Variants in KIRREL3 observed in about 807,000 individuals in gnomAD.
KIRREL3 encodes kin of IRRE-like protein 3.
Under a neutral mutation model 89.7 loss-of-function variants are expected in KIRREL3, and 36 were observed. The observed-to-expected ratio is 0.40, with a 90% CI of 0.31 to 0.53. The LOEUF is 0.53. Ranked by LOEUF, KIRREL3 falls within the 20% of genes least tolerant of loss-of-function variation. KIRREL3 has a pLI of 0.49. For missense variants in KIRREL3, 864 were observed against 1,056.6 expected (o/e 0.82, Z 2.53); for synonymous variants, 445 against 441.4 (o/e 1.01, Z -0.10).
intron 15 of KIRREL3, 61 bp from the exon 16 acceptor site, chr11:126,425,785 G>C: frequency 7.5e-7 from 1 of 1,330,900 alleles, no homozygotes; most frequent in Non-Finnish European, 1.1e-6. Context: ...CTTCCCCCAA[G>C]GAAAAGATGA....
At chr11:126,853,458 A>G (rs1178761724) in intron 1 of KIRREL3, among the ~76,000 whole-genome samples, 2 of 152,152 alleles carry the variant, frequency 1.3e-5, no homozygotes, top group Admixed American at 1.3e-4. Context: ...TGCATTTTTA[A>G]ATGGGTAAAA....
At position 126,570,745 on chromosome 11, in the gene KIRREL3, T is replaced by C. The variant is rs188075744; in HGVS notation, c.56-7833A>G. Among the ~76,000 whole-genome samples, 4 of 152,314 alleles carry C rather than the reference T, an allele frequency of 2.6e-5. No homozygotes were observed. The East Asian group carries it at 7.7e-4, about 29-fold the overall frequency. ...TTATCAGCAACTCCTCACCACCAGC[T>C]GTGGGGTCTAGAATTATCTGTGCTG... On this transcript the variant is annotated intron_variant, in intron 1 of 16. Transcript: ENST00000525144. This position sits in a 1 kb window ranked among gnomAD's most constrained non-coding sequence, Gnocchi z 6.1.
rs1157908568 is a variant in KIRREL3, at chr11:126,761,296, A to C, written c.56-198384T>G. Among the ~76,000 whole-genome samples the C allele has an allele frequency of 6.6e-6, 1 of 152,194 alleles. No individual in the cohort carries two copies. Among genetic ancestry groups the C allele is most frequent in the Non-Finnish European group, 1.5e-5 (1 of 68,028 alleles). ...CTCTGCCCAGGCAAAGGTATTCACA[A>C]ACCTCCCTGGGGGCTCACCAGAGGG... On this transcript the variant is annotated intron_variant, in intron 1 of 16. Transcript: ENST00000525144. This position sits in a 1 kb window ranked among gnomAD's most constrained non-coding sequence, Gnocchi z 4.4.
Position 126,922,101 on chromosome 11 carries a change from A to G in KIRREL3, c.55+78354T>C, listed in dbSNP as rs572314492. 3.5e-5 allele frequency among the ~76,000 whole-genome samples: 5 copies of G among 144,480 alleles called. No individual in the cohort carries two copies. The South Asian group carries it at 1.2e-3, about 33-fold the overall frequency. The allele number at this position is 144,480 out of a possible 152,430, so 94.8% of individuals were successfully genotyped here. A position where few individuals can be genotyped will look rare whatever the true frequency, so the allele number is the denominator to read the frequency against. Reference sequence around the variant, plus strand: ...TCCTATCATCTATCTATATCTATCTATCGATCTATCTATCTGTCTGTCTAT... The same window carrying G: ...TCCTATCATCTATCTATATCTATCTGTCGATCTATCTATCTGTCTGTCTAT... On this transcript the variant is annotated intron_variant, in intron 1 of 16. Transcript: ENST00000525144.
Position 126,969,746 on chromosome 11 carries a change from C to A in KIRREL3, c.55+30709G>T, listed in dbSNP as rs1387257482. Among the ~76,000 whole-genome samples the A allele has an allele frequency of 2.0e-5, 3 of 152,172 alleles. No homozygotes were observed. The highest frequency in any genetic ancestry group is 7.2e-5 in the African/African-American group (3 of 41,432). On this transcript the variant is annotated intron_variant, in intron 1 of 16. Transcript: ENST00000525144. The surrounding 1 kb of genome is among the most constrained non-coding windows in gnomAD (Gnocchi z 4.9). The stretch of plus-strand genomic sequence containing the variant: ...TAATTTTGCAGTGGGACCTGGCTCA[C>A]TTTTGTAGATCCCTTCAAAGCTGGA...
rs1014985427 is a variant in KIRREL3 at position 126,908,186 on chromosome 11, G to A, written c.55+92269C>T. ...TTTTGTTTACTGCCGTATTTTCAGT[G>A]CCTAGGCACATAATAGACCCTTGAT... On this transcript the variant is annotated intron_variant, in intron 1 of 16. Coordinates refer to ENST00000525144, the MANE Select transcript of KIRREL3 (RefSeq NM_032531.4). The surrounding 1 kb of genome is among the most constrained non-coding windows in gnomAD (Gnocchi z 4.2). 6.6e-6 allele frequency among the ~76,000 whole-genome samples: 1 copy of A among 152,160 alleles called. No individual in the cohort carries two copies. Among genetic ancestry groups the A allele is most frequent in the African/African-American group, 2.4e-5 (1 of 41,416 alleles).
At position 126,498,334 on chromosome 11, in the gene KIRREL3, T is replaced by C. The variant is rs1298708946; in HGVS notation, c.433+22981A>G. On this transcript the variant is annotated intron_variant, in intron 4 of 16. Coordinates refer to ENST00000525144, the MANE Select transcript of KIRREL3 (RefSeq NM_032531.4). The surrounding 1 kb of genome is among the most constrained non-coding windows in gnomAD (Gnocchi z 4.3). ...TCCCCCTCATTAATTTTAATCTAAT[T>C]TGCTCATAACATTCCTCAGTAAACA... 6.6e-6 allele frequency among the ~76,000 whole-genome samples: 1 copy of C among 152,208 alleles called. No individual in the cohort carries two copies. The highest frequency in any genetic ancestry group is 1.5e-5 in the Non-Finnish European group (1 of 68,040).
At chr11:126,899,315 A>G (rs575348278) in intron 1 of KIRREL3, among the ~76,000 whole-genome samples, 1 of 152,332 alleles carries the variant, frequency 6.6e-6, no homozygotes, top group Non-Finnish European at 1.5e-5. Flanking sequence ...GATAGCTAAG[A>G]AAAAGTAAAT....
intron 1 of KIRREL3, among the ~76,000 whole-genome samples, chr11:126,667,863 C>T (rs1056415111): frequency 2.0e-5 from 3 of 152,084 alleles, no homozygotes; most frequent in African/African-American, 7.2e-5. Context: ...CAGATCTGGC[C>T]GATCTGAGGA....
At position 126,562,865 on chromosome 11, in the gene KIRREL3, C is replaced by A. The variant is rs549320678; in HGVS notation, c.103G>T (p.Ala35Ser). The A allele has an allele frequency of 4.0e-5, 65 of 1,613,756 alleles. No individual in the cohort carries two copies. In the South Asian group the frequency reaches 6.4e-4, roughly 16 times the overall value. The part of the protein sequence containing the change: ...RGCCLVLGYM[A>S]KDKFRRMNEG... ...TTCATTCTCCGAAACTTGTCCTTGG[C>A]CATGTAGCCCAGCACCAGACAGCAT... Residue 35 changes from alanine to serine, a missense_variant, in exon 2 of 17, where the codon GCC (alanine) becomes TCC (serine). Physicochemically the swap from Ala to Ser is moderately conservative, Grantham distance 99. Transcript: ENST00000525144. This position sits in a 1 kb window ranked among gnomAD's most constrained non-coding sequence, Gnocchi z 4.7.
chr11:126,572,214 C>A (rs1940985689), intron 1 of KIRREL3, among the ~76,000 whole-genome samples: 1 of 152,190 alleles, frequency 6.6e-6, no homozygotes, highest in Non-Finnish European at 1.5e-5. Context: ...AGGAGGCAGG[C>A]AAAGTCCCAG....
intron 1 of KIRREL3, among the ~76,000 whole-genome samples, chr11:126,721,355 AC>A (rs1277541660): frequency 3.3e-5 from 5 of 151,840 alleles, no homozygotes; most frequent in Non-Finnish European, 2.9e-5. Context: ...ACATGGAGAA[AC>A]CCCGTCTCTA....
At chr11:126,792,134 C>G (rs1950663776) in intron 1 of KIRREL3, among the ~76,000 whole-genome samples, 1 of 152,138 alleles carries the variant, frequency 6.6e-6, no homozygotes, top group Non-Finnish European at 1.5e-5. Flanking sequence ...AAACCCGGCT[C>G]TGAGGATAGG....
chr11:126,870,164 C>T lies in KIRREL3; in HGVS notation c.55+130291G>A, dbSNP rs1013804480. Among the ~76,000 whole-genome samples, 11 of 152,168 alleles carry T rather than the reference C, an allele frequency of 7.2e-5. No individual in the cohort carries two copies. Among genetic ancestry groups the T allele is most frequent in the East Asian group, 3.9e-4 (2 of 5,186 alleles). ...TGTGGGCGAGTGTGGGGCACAGGGT[C>T]GTATGTCCTGGGGCAGGGCTCCCTG... On this transcript the variant is annotated intron_variant, in intron 1 of 16. Coordinates refer to ENST00000525144, the MANE Select transcript of KIRREL3 (RefSeq NM_032531.4). The surrounding 1 kb of genome is among the most constrained non-coding windows in gnomAD (Gnocchi z 4.4).
At chr11:126,730,596 T>G (rs1948579040) in intron 1 of KIRREL3, among the ~76,000 whole-genome samples, 1 of 152,216 alleles carries the variant, frequency 6.6e-6, no homozygotes, top group African/African-American at 2.4e-5. Flanking sequence ...ACGAAGTGGT[T>G]GCTACTAGCA....
chr11:126,860,872 G>A lies in KIRREL3; in HGVS notation c.55+139583C>T, dbSNP rs1042901209. Among the ~76,000 whole-genome samples the A allele has an allele frequency of 2.0e-5, 3 of 152,098 alleles. No individual in the cohort carries two copies. Among genetic ancestry groups the A allele is most frequent in the Non-Finnish European group, 2.9e-5 (2 of 68,026 alleles). ...AGTGATCCTACACTTGATTCTTCTCGCAGTTTCAGAAATACTACCTCCTTT... is the reference window on the plus strand; with the variant it reads ...AGTGATCCTACACTTGATTCTTCTCACAGTTTCAGAAATACTACCTCCTTT... On this transcript the variant is annotated intron_variant, in intron 1 of 16. Transcript: ENST00000525144. The surrounding 1 kb of genome is among the most constrained non-coding windows in gnomAD (Gnocchi z 4.6).
intron 5 of KIRREL3, among the ~76,000 whole-genome samples, chr11:126,472,250 C>T (rs1055509007): frequency 6.6e-5 from 10 of 152,200 alleles, no homozygotes; most frequent in African/African-American, 2.4e-5. Context: ...CTTAGCCCAG[C>T]TGGGCTGCTA....
At position 126,425,731 on chromosome 11, in the gene KIRREL3, C is replaced by G; in HGVS notation, c.1807-7G>C. 1 of 1,589,194 alleles carries G rather than the reference C, an allele frequency of 6.3e-7. No individual in the cohort carries two copies. The highest frequency in any genetic ancestry group is 1.8e-5 in the Admixed American group (1 of 56,792). On this transcript the variant is annotated splice_region_variant and splice_polypyrimidine_tract_variant and intron_variant, in intron 15 of 16. Coordinates refer to ENST00000525144, the MANE Select transcript of KIRREL3 (RefSeq NM_032531.4). ...GGAATTCACCCCGGTCCATCTGCAACCCAAAAAAGGCTGCTCAGTAGATAG... is the reference window on the plus strand; with the variant it reads ...GGAATTCACCCCGGTCCATCTGCAAGCCAAAAAAGGCTGCTCAGTAGATAG...
intron 1 of KIRREL3, among the ~76,000 whole-genome samples, chr11:126,967,399 C>G (rs1251467871): frequency 6.6e-6 from 1 of 152,160 alleles, no homozygotes; most frequent in Non-Finnish European, 1.5e-5. Context: ...CAGGGAATAA[C>G]TTCCCACAGG....
Sources: gnomAD v4.1 joint callset for allele counts (sites outside exome capture counted in the v4.1 genomes callset) on GRCh38, gnomAD v4.1.1 for gene constraint, Gnocchi (gnomAD v3.1) non-coding constraint, MANE v1.5 for transcripts, NCBI Gene and HGNC (gene_info 2026-07-23, HGNC 2026-07-21) for gene names.